Variants in EPHA6 observed in about 807,000 individuals in gnomAD.
EPHA6 encodes ephrin type-A receptor 6.
EPHA6 carries 50 observed loss-of-function variants against 112.0 expected under a neutral mutation model. The ratio of observed to expected loss-of-function variants is 0.45; its 90% CI spans 0.36 to 0.56. EPHA6 has a LOEUF of 0.56. Ranked by LOEUF, EPHA6 falls within the 20% of genes least tolerant of loss-of-function variation. The pLI is 0.00. For synonymous variants in EPHA6, 529 were observed against 490.7 expected, an observed-to-expected ratio of 1.08 and a Z score of -1.03; for missense variants, 1,280 against 1,417.4, an observed-to-expected ratio of 0.90 and a Z score of 1.56.
intron 5 of EPHA6, among the ~76,000 whole-genome samples, chr3:97,287,344 A>G (rs1026063024): frequency 4.6e-5 from 7 of 152,096 alleles, no homozygotes; most frequent in African/African-American, 1.7e-4. Flanking sequence ...GGTTTGTCAC[A>G]ACATCTCTTC....
intron 10 of EPHA6, among the ~76,000 whole-genome samples, chr3:97,516,728 T>C (rs1433804892): frequency 2.0e-5 from 3 of 152,128 alleles, no homozygotes; most frequent in African/African-American, 4.8e-5. Context: ...TTCTGTTGCC[T>C]TTACACAATA....
At chr3:96,815,092 A>T in intron 1 of EPHA6, 84 bp downstream of exon 1, 1 of 1,335,948 alleles carries the variant, frequency 7.5e-7, no homozygotes, top group East Asian at 2.6e-5. Flanking sequence ...TCCTGCAGGT[A>T]ACTTTGTACA....
chr3:97,547,026 C>T (rs535860038), intron 11 of EPHA6, among the ~76,000 whole-genome samples: 6 of 152,242 alleles, frequency 3.9e-5, no homozygotes, highest in African/African-American at 1.4e-4. Flanking sequence ...TCCTGTAGCT[C>T]GGAGTACTTT....
chr3:97,363,505 T>C (rs3886911), intron 5 of EPHA6, among the ~76,000 whole-genome samples: 1 of 151,708 alleles, frequency 6.6e-6, no homozygotes, highest in Non-Finnish European at 1.5e-5. Flanking sequence ...CAATCCACAG[T>C]GGCATGCTAA....
rs1460896005 is a variant in EPHA6, at chr3:97,532,339, C to T, written c.2201-19C>T. 1 of 1,587,528 alleles carries T rather than the reference C, an allele frequency of 6.3e-7. No homozygotes were observed. Among genetic ancestry groups the T allele is most frequent in the East Asian group, 2.3e-5 (1 of 44,398 alleles). ...AGTGTTCGGTTTAATCAAATAACTG[C>T]TTTTGTTCATATTTTAAGGTGAATT... On this transcript the variant is annotated intron_variant, in intron 10 of 17. Coordinates refer to ENST00000389672, the MANE Select transcript of EPHA6 (RefSeq NM_001080448.3).
At chr3:97,068,163 AAG>A (rs1378154366) in intron 3 of EPHA6, among the ~76,000 whole-genome samples, 16,309 of 123,378 alleles carry the variant, frequency 0.13, 2,453 homozygotes, top group African/African-American at 0.42. Flanking sequence ...TCAAAAAAAA[AAG>A]AAAAAAAAAA....
chr3:97,485,352 C>A lies in EPHA6; in HGVS notation c.2200+1293C>A, dbSNP rs547029883. Among the ~76,000 whole-genome samples the A allele has an allele frequency of 5.3e-5, 8 of 152,264 alleles. No homozygotes were observed. The East Asian group carries it at 1.5e-3, about 29-fold the overall frequency. On this transcript the variant is annotated intron_variant, in intron 10 of 17. Coordinates refer to ENST00000389672, the MANE Select transcript of EPHA6 (RefSeq NM_001080448.3). Reference sequence around the variant, plus strand: ...AGACGGTGACAACAGAGAACTAAACCAACTACAGGGCACACCTAAACTCAA... The same window carrying A: ...AGACGGTGACAACAGAGAACTAAACAAACTACAGGGCACACCTAAACTCAA...
intron 14 of EPHA6, among the ~76,000 whole-genome samples, chr3:97,650,558 T>C (rs2094100847): frequency 6.6e-6 from 1 of 151,886 alleles, no homozygotes. Flanking sequence ...ATTTTGAAAA[T>C]AGATCCATCT....
At position 97,393,081 on chromosome 3, in the gene EPHA6, A is replaced by C. The variant is rs893922443; in HGVS notation, c.1607-12069A>C. ...ATGTTATAAATGAGGAATTTGTTTAATGTTCAGATGAGGTAGGCCAAATGA... is the reference window on the plus strand; with the variant it reads ...ATGTTATAAATGAGGAATTTGTTTACTGTTCAGATGAGGTAGGCCAAATGA... On this transcript the variant is annotated intron_variant, in intron 5 of 17. Transcript: ENST00000389672. Among the ~76,000 whole-genome samples, 13 of 151,972 alleles carry C rather than the reference A, an allele frequency of 8.6e-5. No individual in the cohort carries two copies. The South Asian group carries it at 2.3e-3, about 27-fold the overall frequency.
intron 3 of EPHA6, among the ~76,000 whole-genome samples, chr3:97,137,904 G>A (rs964620742): frequency 1.3e-5 from 2 of 152,070 alleles, no homozygotes; most frequent in Non-Finnish European, 2.9e-5. Context: ...GAGAGAAGGG[G>A]TTCAAGATGA....
At chr3:97,347,487 A>AT (rs1053680364) in intron 5 of EPHA6, among the ~76,000 whole-genome samples, 1 of 152,092 alleles carries the variant, frequency 6.6e-6, no homozygotes, top group African/African-American at 2.4e-5. Flanking sequence ...CATTCAATGA[A>AT]TTTTTTTGAC....
At chr3:97,128,934 T>C (rs1446683776) in intron 3 of EPHA6, among the ~76,000 whole-genome samples, 1 of 149,384 alleles carries the variant, frequency 6.7e-6, no homozygotes, top group East Asian at 2.0e-4. Flanking sequence ...AGTGCAGTGG[T>C]GCAACCTCAG....
chr3:96,958,989 G>A (rs997033603), intron 2 of EPHA6, among the ~76,000 whole-genome samples: 2 of 152,080 alleles, frequency 1.3e-5, no homozygotes, highest in Non-Finnish European at 2.9e-5. Context: ...ACAAGTTTTT[G>A]TAAAGCGTAT....
chr3:97,079,406 C>T (rs2108191991), intron 3 of EPHA6, among the ~76,000 whole-genome samples: 1 of 152,096 alleles, frequency 6.6e-6, no homozygotes, highest in Middle Eastern at 3.4e-3. Context: ...GATGAGAACA[C>T]ACAGACACAT....
At chr3:97,492,589 A>C (rs61150452) in intron 10 of EPHA6, among the ~76,000 whole-genome samples, 7,529 of 135,364 alleles carry the variant, frequency 0.056, 1,107 homozygotes, top group African/African-American at 0.2. Flanking sequence ...AAAAAAAAAA[A>C]AAAAACCGTG....
At chr3:97,336,699 T>C (rs893955359) in intron 5 of EPHA6, among the ~76,000 whole-genome samples, 6 of 152,236 alleles carry the variant, frequency 3.9e-5, no homozygotes, top group African/African-American at 1.2e-4. Flanking sequence ...AAGAATGAGA[T>C]CCAGGAATCA....
At position 96,987,652 on chromosome 3, in the gene EPHA6, A is replaced by G. The variant is rs769951744; in HGVS notation, c.773A>G (p.Asp258Gly). 4.4e-6 allele frequency: 7 copies of G among 1,608,558 alleles called. No individual in the cohort carries two copies. In the East Asian group the frequency reaches 1.6e-4, roughly 36 times the overall value. ...AGTTTTACCCAGATGGATTTGGGTG[A>G]TCGCATCCTCAAACTCAACACTGAA... ...DESFTQMDLG[D>G]RILKLNTEIR... is the part of the protein sequence containing the mutation. Residue 258 changes from aspartate to glycine, a missense_variant, in exon 3 of 18, where the codon GAT becomes GGT. By Grantham distance (94) the Asp-to-Gly change is moderately conservative (BLOSUM62 -1). Around this residue, in one of 4 missense-constraint regions of EPHA6, gnomAD observed 878 missense variants for 999.7 expected, o/e 0.88. Transcript: ENST00000389672.
At position 96,987,991 on chromosome 3, in the gene EPHA6, A is replaced by G. The variant is rs757792052; in HGVS notation, c.1112A>G (p.His371Arg). 26 of 1,548,178 alleles carry G rather than the reference A, an allele frequency of 1.7e-5. No individual in the cohort carries two copies. The highest frequency in any genetic ancestry group is 2.2e-5 in the Non-Finnish European group (25 of 1,144,750). ...TGYEEIEGSC[H>R]ACRPGFYKAF... Reference sequence around the variant, plus strand: ...TATGAAGAAATTGAGGGTTCTTGCCATGGTAAGAAACAAACATTTAAATAA... The same window carrying G: ...TATGAAGAAATTGAGGGTTCTTGCCGTGGTAAGAAACAAACATTTAAATAA... The change falls in exon 3 of 18, where the codon CAT becomes CGT. Residue 371 changes from histidine (H) to arginine (R), a missense_variant and splice_region_variant. By Grantham distance (29) the His-to-Arg change is conservative. This residue lies in a region of EPHA6 where 878 missense variants were observed against 999.7 expected (regional missense o/e 0.88). Coordinates refer to ENST00000389672, the MANE Select transcript of EPHA6 (RefSeq NM_001080448.3).
chr3:96,841,508 A>G (rs964917778), intron 1 of EPHA6, among the ~76,000 whole-genome samples: 2 of 152,034 alleles, frequency 1.3e-5, no homozygotes, highest in African/African-American at 2.4e-5. Flanking sequence ...AGTTTGTCCA[A>G]TGAATGTAGA....
Sources: allele counts gnomAD v4.1 joint callset (sites outside exome capture counted in the v4.1 genomes callset), GRCh38; gene constraint gnomAD v4.1.1; regional missense constraint gnomAD v4.1.1; transcripts MANE v1.5; gene names NCBI Gene and HGNC (gene_info 2026-07-23, HGNC 2026-07-21).